VMP1: variants seen among roughly 807,000 people sequenced by gnomAD.
The protein encoded by VMP1 is ectopic P-granules autophagy protein 3 homolog.
In VMP1, 11 loss-of-function variants were observed where a neutral mutation model predicts 56.0. That is an observed-to-expected ratio of 0.20 (90% CI 0.12 to 0.32). The LOEUF (loss-of-function observed/expected upper bound fraction) is 0.32. VMP1 is among the 10% of genes least tolerant of loss of function. The pLI is 1.00. For synonymous variants in VMP1, 149 were observed against 165.0 expected, an observed-to-expected ratio of 0.90 and a Z score of 0.74; for missense variants, 296 against 490.3, an observed-to-expected ratio of 0.60 and a Z score of 3.74.
At chr17:59,770,922 A>G (rs1294074862) in intron 6 of VMP1, among the ~76,000 whole-genome samples, 1 of 152,012 alleles carries the variant, frequency 6.6e-6, no homozygotes, top group Non-Finnish European at 1.5e-5. Context: ...TTTACTGACT[A>G]AATTCTAATT....
At chr17:59,785,689 CAAAAAA>C (rs375607560) in intron 7 of VMP1, among the ~76,000 whole-genome samples, 1 of 59,158 alleles carries the variant, frequency 1.7e-5, no homozygotes, top group Non-Finnish European at 3.3e-5. Flanking sequence ...GATTCCATCT[CAAAAAA>C]AAAAAAAAAA....
chr17:59,761,807 A>G (rs768961819), intron 5 of VMP1, among the ~76,000 whole-genome samples: 1 of 114,488 alleles, frequency 8.7e-6, no homozygotes, highest in Non-Finnish European at 1.8e-5. Flanking sequence ...ACCCCTGTGC[A>G]GATTTCTAGA....
chr17:59,816,776 T>C (rs529200027), intron 9 of VMP1, among the ~76,000 whole-genome samples: 9 of 148,864 alleles, frequency 6.0e-5, no homozygotes, highest in Non-Finnish European at 8.9e-5. Context: ...TGAAACCCCA[T>C]CTATACAAAA....
chr17:59,834,302 G>T (rs1164552818), intron 10 of VMP1, among the ~76,000 whole-genome samples: 4 of 149,138 alleles, frequency 2.7e-5, no homozygotes, highest in African/African-American at 1.0e-4. Flanking sequence ...TCACTCTGTT[G>T]CCCAGGGTAG....
chr17:59,775,907 A>G (rs904564312), intron 7 of VMP1, among the ~76,000 whole-genome samples: 14 of 152,216 alleles, frequency 9.2e-5, no homozygotes, highest in African/African-American at 3.1e-4. Context: ...ACCTTGTTGA[A>G]AGATTGAATC....
intron 10 of VMP1, among the ~76,000 whole-genome samples, chr17:59,827,809 C>A (rs978351845): frequency 2.0e-5 from 3 of 151,954 alleles, no homozygotes; most frequent in Admixed American, 6.6e-5. Context: ...AAATTAGCTA[C>A]TGTGGCCCCA....
chr17:59,776,089 G>T (rs946552385), intron 7 of VMP1, among the ~76,000 whole-genome samples: 4 of 152,066 alleles, frequency 2.6e-5, no homozygotes, highest in African/African-American at 4.8e-5. Flanking sequence ...GTGCATTCCT[G>T]TAGTCCCTGC....
At position 59,811,773 on chromosome 17, in the gene VMP1, A is replaced by T. The variant is rs772954399; in HGVS notation, c.899A>T (p.Lys300Ile). 6.2e-7 allele frequency: 1 copy of T among 1,610,598 alleles called. No individual in the cohort carries two copies. Among genetic ancestry groups the T allele is most frequent in the Admixed American group, 1.7e-5 (1 of 59,988 alleles). The change falls in exon 9 of 12, where the codon AAA (lysine) becomes ATA (isoleucine). Residue 300 changes from lysine (K) to isoleucine (I), a missense_variant. Lys to Ile is a moderately radical substitution (Grantham distance 102). Transcript: ENST00000262291. ...ACCCTAATTGGAAAAGCAATAATAA[A>T]AATGCATATCCAGGTAATTATACCC... ...GATLIGKAII[K>I]MHIQKIFVII...
chr17:59,768,714 G>A (rs1598364932), intron 6 of VMP1, among the ~76,000 whole-genome samples: 1 of 152,096 alleles, frequency 6.6e-6, no homozygotes, highest in Non-Finnish European at 1.5e-5. Flanking sequence ...CGGGCGCGGT[G>A]GCTCACGCCT....
chr17:59,840,572 G>C lies in VMP1; in HGVS notation c.*661G>C, dbSNP rs2039126467. The C allele has an allele frequency of 1.3e-5, 2 of 152,496 alleles. 1 individual carries two copies. Among genetic ancestry groups the C allele is most frequent in the South Asian group, 4.2e-4 (2 of 4,818 alleles). The allele number at this position is 152,496 out of a possible 1,614,324, so 9.4% of individuals were successfully genotyped here. On this transcript the variant is annotated 3_prime_UTR_variant, in exon 12 of 12. Coordinates refer to ENST00000262291, the MANE Select transcript of VMP1 (RefSeq NM_030938.5). ...GAAGTCTTGAAAAAAACTTTATAAA[G>C]ACATCTTTAATCATTCCAAAATTGT... is the stretch of plus-strand genomic sequence containing the variant.
chr17:59,768,229 T>G (rs1252460479), intron 6 of VMP1, among the ~76,000 whole-genome samples: 1 of 152,242 alleles, frequency 6.6e-6, no homozygotes, highest in East Asian at 1.9e-4. Flanking sequence ...TGTCTCGTTA[T>G]ATTAAAAATA....
chr17:59,755,742 GTT>G lies in VMP1; in HGVS notation c.415-9216_415-9215del, dbSNP rs57646102. 5.7e-5 allele frequency among the ~76,000 whole-genome samples: 8 copies of G among 140,392 alleles called. No homozygotes were observed. In the South Asian group the frequency reaches 6.7e-4, roughly 12 times the overall value. 92.1% of individuals were successfully genotyped at this position (140,392 alleles called of 152,430 possible). ...TCTTTGTTTTTTGTTTTGGTTTTTG[GTT>G]TTTTTTTTTTTTGAGACAGGGTCTT... On this transcript the variant is annotated intron_variant, in intron 5 of 11. Transcript: ENST00000262291.
intron 1 of VMP1, among the ~76,000 whole-genome samples, chr17:59,724,236 G>GAAAGAAAAT (rs2034509468): frequency 6.8e-6 from 1 of 147,738 alleles, no homozygotes. Flanking sequence ...AGAAAGAAAA[G>GAAAGAAAAT]AAAAAGAAAA....
At chr17:59,718,774 C>G (rs1281042371) in intron 1 of VMP1, among the ~76,000 whole-genome samples, 1 of 151,892 alleles carries the variant, frequency 6.6e-6, no homozygotes, top group Non-Finnish European at 1.5e-5. Context: ...TCAAATGATC[C>G]TCCTGCCTCA....
intron 3 of VMP1, 34 bp from the exon 4 acceptor site, chr17:59,737,419 T>C (rs748315945): frequency 1.3e-6 from 2 of 1,585,558 alleles, no homozygotes; most frequent in Admixed American, 1.8e-5. Context: ...AAAGTGAGAC[T>C]GTGAGATATT....
chr17:59,831,106 A>G (rs1381291754), intron 10 of VMP1, among the ~76,000 whole-genome samples: 1 of 152,178 alleles, frequency 6.6e-6, no homozygotes, highest in Non-Finnish European at 1.5e-5. Context: ...GATTACTGGC[A>G]TGAGCCACCC....
At chr17:59,757,425 GT>G (rs1055179138) in intron 5 of VMP1, among the ~76,000 whole-genome samples, 7 of 151,898 alleles carry the variant, frequency 4.6e-5, no homozygotes, top group African/African-American at 1.5e-4. Flanking sequence ...AATTAGTTTG[GT>G]TTTTTTCTAA....
intron 7 of VMP1, among the ~76,000 whole-genome samples, chr17:59,783,999 A>G (rs1383303968): frequency 6.6e-6 from 1 of 151,940 alleles, no homozygotes; most frequent in Non-Finnish European, 1.5e-5. Flanking sequence ...CTTGGCCCCA[A>G]CCTACGACTA....
chr17:59,754,423 T>G (rs2035763380), intron 5 of VMP1, among the ~76,000 whole-genome samples: 1 of 152,218 alleles, frequency 6.6e-6, no homozygotes, highest in South Asian at 2.1e-4. Flanking sequence ...AATAGTGAAA[T>G]AGTTTCAGTA....
Sources: allele counts gnomAD v4.1 joint callset (sites outside exome capture counted in the v4.1 genomes callset), GRCh38; gene constraint gnomAD v4.1.1; transcripts MANE v1.5; gene names NCBI Gene and HGNC (gene_info 2026-07-23, HGNC 2026-07-21).